The following ZBTB38 variants were observed in gnomAD, a reference collection of about 807,000 sequenced individuals.
ZBTB38 encodes the protein zinc finger and BTB domain containing 38.
A neutral mutation model predicts 76.8 loss-of-function variants in ZBTB38; 20 were observed. The observed-to-expected ratio is 0.26, with a 90% CI of 0.18 to 0.38. The LOEUF (loss-of-function observed/expected upper bound fraction) is 0.38. Among genes scored for constraint, ZBTB38 ranks in the 10% least tolerant of loss-of-function variants. ZBTB38 has a pLI of 1.00. For synonymous variants in ZBTB38, 504 were observed against 544.2 expected (o/e 0.93, Z 1.03); for missense variants, 1,082 against 1,482.3 (o/e 0.73, Z 4.43).
At chr3:141,385,853 G>A (rs1946957944) in intron 3 of ZBTB38, 1 of 152,126 alleles carries the variant, frequency 6.6e-6, no homozygotes. Flanking sequence ...GGGGTAGGGA[G>A]GTGGTTTTGA....
intron 5 of ZBTB38, chr3:141,426,008 T>G: frequency 2.0e-6 from 1 of 495,396 alleles, no homozygotes; most frequent in Non-Finnish European, 3.6e-6. Flanking sequence ...TTGTTAGGTG[T>G]TGGGACACAG....
rs148938730 is a variant in ZBTB38, at chr3:141,363,152, C to A, written c.-738-5469C>A. On this transcript the variant is annotated intron_variant, in intron 1 of 7. Coordinates refer to the ZBTB38 transcript ENST00000509842. Reference sequence around the variant, plus strand: ...GAGCATAGATGATTCCCAGTATAAACAATACCAGTTAATAAAATACTCGAG... The same window carrying A: ...GAGCATAGATGATTCCCAGTATAAAAAATACCAGTTAATAAAATACTCGAG... Among the ~76,000 whole-genome samples the A allele has an allele frequency of 3.9e-5, 6 of 152,226 alleles. No homozygotes were observed. In the East Asian group the frequency reaches 1.2e-3, roughly 29 times the overall value.
At chr3:141,439,260 C>A (rs2079550986) in intron 5 of ZBTB38, among the ~76,000 whole-genome samples, 1 of 152,112 alleles carries the variant, frequency 6.6e-6, no homozygotes, top group African/African-American at 2.4e-5. Flanking sequence ...ACCATATTAA[C>A]ATATTTGCTG....
chr3:141,432,963 A>G (rs1447340741), intron 5 of ZBTB38, among the ~76,000 whole-genome samples: 1 of 152,254 alleles, frequency 6.6e-6, no homozygotes, highest in Non-Finnish European at 1.5e-5. Context: ...AATTGTAGGT[A>G]GCAACCTCAA....
intron 1 of ZBTB38, among the ~76,000 whole-genome samples, chr3:141,342,606 C>G (rs1007993428): frequency 6.6e-6 from 1 of 151,646 alleles, no homozygotes; most frequent in Non-Finnish European, 1.5e-5. Context: ...GGTTGAGAAG[C>G]GGGTGCCACA....
At chr3:141,419,414 A>G (rs2074844564) in intron 5 of ZBTB38, among the ~76,000 whole-genome samples, 1 of 152,168 alleles carries the variant, frequency 6.6e-6, no homozygotes, top group East Asian at 1.9e-4. Flanking sequence ...AATAAGCACA[A>G]CTGTTAAGCA....
At chr3:141,414,189 G>T (rs1202884481) in intron 5 of ZBTB38, among the ~76,000 whole-genome samples, 1 of 152,224 alleles carries the variant, frequency 6.6e-6, no homozygotes, top group Admixed American at 6.5e-5. Flanking sequence ...CTTGGTATAA[G>T]AAGGTAAGCA....
chr3:141,370,503 T>C (rs1035484016), intron 2 of ZBTB38, among the ~76,000 whole-genome samples: 1 of 152,210 alleles, frequency 6.6e-6, no homozygotes, highest in Non-Finnish European at 1.5e-5. Flanking sequence ...GGTAGTTCTC[T>C]CTGGCACAGC....
At chr3:141,394,863 G>A (rs917884975) in intron 4 of ZBTB38, among the ~76,000 whole-genome samples, 2 of 152,090 alleles carry the variant, frequency 1.3e-5, no homozygotes, top group African/African-American at 4.8e-5. Flanking sequence ...CTATCTTTGA[G>A]GGAATCATGG....
intron 5 of ZBTB38, chr3:141,426,294 G>A: frequency 1.3e-6 from 1 of 784,488 alleles, no homozygotes; most frequent in Non-Finnish European, 1.9e-6. Context: ...CTGGCTCAGT[G>A]TCAGTGATAT....
chr3:141,356,665 G>C (rs555726700), intron 1 of ZBTB38, among the ~76,000 whole-genome samples: 4 of 151,454 alleles, frequency 2.6e-5, no homozygotes, highest in African/African-American at 9.7e-5. Context: ...TCCTCATCGA[G>C]TTGGTCAATT....
intron 1 of ZBTB38, among the ~76,000 whole-genome samples, chr3:141,346,573 T>C (rs1250293694): frequency 6.6e-6 from 1 of 152,164 alleles, no homozygotes; most frequent in Admixed American, 6.5e-5. Context: ...GGCAGCTCCA[T>C]ATTTTTACTT....
At chr3:141,380,073 AAG>A (rs1325254374) in intron 2 of ZBTB38, among the ~76,000 whole-genome samples, 1 of 152,254 alleles carries the variant, frequency 6.6e-6, no homozygotes, top group East Asian at 1.9e-4. Flanking sequence ...TTGAATTACA[AAG>A]AGCAGAATGC....
chr3:141,445,724 C>T lies in ZBTB38; in HGVS notation c.3336C>T (p.His1112=), dbSNP rs1214662570. The T allele has an allele frequency of 7.4e-6, 12 of 1,614,058 alleles. No homozygotes were observed. Among genetic ancestry groups the T allele is most frequent in the East Asian group, 4.5e-5 (2 of 44,894 alleles). ...TGTATCTCTCCACCAAAAGGAATCA[C>T]GAGCAGAGGCATATTCGGGAGCATA... is the stretch of plus-strand genomic sequence containing the variant. The part of the protein sequence containing the change: ...RFLYLSTKRN[H]EQRHIREHNG... Residue 1112 remains histidine, a synonymous_variant, in exon 6 of 6, where the codon CAC becomes CAT. Coordinates refer to ENST00000321464, the MANE Select transcript of ZBTB38 (RefSeq NM_001376113.1). The surrounding 1 kb of genome is among the most constrained non-coding windows in gnomAD (Gnocchi z 6.5).
intron 2 of ZBTB38, among the ~76,000 whole-genome samples, chr3:141,375,620 T>C (rs769526984): frequency 1.3e-5 from 2 of 152,148 alleles, no homozygotes; most frequent in Admixed American, 6.5e-5. Flanking sequence ...GTGATCAGCA[T>C]CACAAGAGCA....
chr3:141,357,526 T>G (rs1389902015), intron 1 of ZBTB38, among the ~76,000 whole-genome samples: 2 of 152,192 alleles, frequency 1.3e-5, no homozygotes, highest in Non-Finnish European at 2.9e-5. Context: ...TTTGTTTGTT[T>G]GTTCATTTGT....
chr3:141,397,438 C>A (rs181427042), intron 4 of ZBTB38, among the ~76,000 whole-genome samples: 8 of 152,306 alleles, frequency 5.3e-5, no homozygotes, highest in Admixed American at 6.5e-5. Flanking sequence ...GCTTTCTTAT[C>A]ATTTCCGTGT....
At chr3:141,431,885 G>C (rs974243681) in intron 5 of ZBTB38, 1 of 156,470 alleles carries the variant, frequency 6.4e-6, no homozygotes, top group African/African-American at 2.4e-5. Context: ...GATAAATGTA[G>C]CTTTTCTGTG....
intron 1 of ZBTB38, among the ~76,000 whole-genome samples, chr3:141,341,046 T>A (rs941260529): frequency 1.1e-4 from 16 of 151,284 alleles, no homozygotes; most frequent in Non-Finnish European, 1.9e-4. Context: ...AATAAGCGCA[T>A]GAAAAGATGT....
Sources: allele counts gnomAD v4.1 joint callset (sites outside exome capture counted in the v4.1 genomes callset), GRCh38; gene constraint gnomAD v4.1.1; non-coding constraint Gnocchi (gnomAD v3.1); transcripts MANE v1.5; gene names NCBI Gene and HGNC (gene_info 2026-07-23, HGNC 2026-07-21).